Variants in MED15 observed in about 807,000 individuals in gnomAD.
The protein encoded by MED15 is mediator complex subunit 15.
MED15 carries 41 observed loss-of-function variants against 118.7 expected under a neutral mutation model. That is an observed-to-expected ratio of 0.35 (90% CI 0.27 to 0.45). MED15 has a LOEUF of 0.45. Ranked by LOEUF, MED15 falls within the 20% of genes least tolerant of loss-of-function variation. The probability of loss-of-function intolerance (pLI) is 1.00; values close to 1 mark genes in which losing one functional copy is unlikely to be tolerated. For synonymous variants in MED15, 436 were observed against 413.9 expected (o/e 1.05, Z -0.65); for missense variants, 740 against 1,025.5 (o/e 0.72, Z 3.80).
At chr22:20,546,502 G>GTTTTTTTTTTT (rs139110861) in intron 2 of MED15, among the ~76,000 whole-genome samples, 2 of 109,398 alleles carry the variant, frequency 1.8e-5, no homozygotes, top group African/African-American at 3.6e-5. Context: ...GTTACATGGA[G>GTTTTTTTTTTT]TTTTTTTTGT....
intron 1 of MED15, among the ~76,000 whole-genome samples, chr22:20,525,043 A>G (rs964931337): frequency 4.6e-5 from 7 of 152,132 alleles, no homozygotes; most frequent in African/African-American, 1.4e-4. Context: ...GCTCACACCT[A>G]TAATCCAGCA....
At chr22:20,557,475 A>G (rs1299913246) in intron 5 of MED15, among the ~76,000 whole-genome samples, 1 of 152,092 alleles carries the variant, frequency 6.6e-6, no homozygotes, top group African/African-American at 2.4e-5. Context: ...CACTATTTTT[A>G]GCACATCAGA....
chr22:20,584,799 CCTAAATGGGGA>C lies in MED15; in HGVS notation c.1804-55_1804-45del, dbSNP rs2057086198. On this transcript the variant is annotated intron_variant, in intron 14 of 17. Transcript: ENST00000263205. ...CCATGGGCCTGGGGTGTGAAGGCCC[CCTAAATGGGGA>C]ACCCTCGGGTCCCGGGCTGCTGACC... is the stretch of plus-strand genomic sequence containing the variant. 3 of 1,599,266 alleles carry C rather than the reference CCTAAATGGGGA, an allele frequency of 1.9e-6. No homozygotes were observed. In the Admixed American group the frequency reaches 5.0e-5, roughly 27 times the overall value.
intron 1 of MED15, among the ~76,000 whole-genome samples, chr22:20,530,943 GTTGTTGCCTGAC>G (rs2054836894): frequency 6.6e-6 from 1 of 152,188 alleles, no homozygotes; most frequent in South Asian, 2.1e-4. Context: ...ATTTGGGCAG[GTTGTTGCCTGAC>G]TTATTTCTTT....
At position 20,584,373 on chromosome 22, in the gene MED15, C is replaced by T; in HGVS notation, c.1751C>T (p.Thr584Ile). The T allele has an allele frequency of 6.2e-7, 1 of 1,613,816 alleles. No homozygotes were observed. The highest frequency in any genetic ancestry group is 8.5e-7 in the Non-Finnish European group (1 of 1,179,838). ...TCTCTCTGCAGGTGTCCCCTGAAGA[C>T]CTTGCAAAAGTGTGAGATCGCCCTG... ...TDPSKRCPLK[T>I]LQKCEIALEK... is the part of the protein sequence containing the mutation. The change falls in exon 14 of 18, where the codon ACC (threonine) becomes ATC (isoleucine). Residue 584 changes from threonine to isoleucine, a missense_variant. Around this residue, in one of 7 missense-constraint regions of MED15, gnomAD observed 384 missense variants for 506.3 expected, o/e 0.76. Transcript: ENST00000263205.
At chr22:20,562,065 G>A (rs1375899147) in intron 5 of MED15, among the ~76,000 whole-genome samples, 1 of 152,174 alleles carries the variant, frequency 6.6e-6, no homozygotes, top group African/African-American at 2.4e-5. Flanking sequence ...GCTGAGGTGA[G>A]AGGATCGCTT....
intron 1 of MED15, among the ~76,000 whole-genome samples, chr22:20,510,590 G>A (rs1048205106): frequency 1.3e-5 from 2 of 152,154 alleles, no homozygotes; most frequent in Non-Finnish European, 1.5e-5. Context: ...AGTTCCTTGA[G>A]CTTGTAGGAC....
At position 20,585,272 on chromosome 22, in the gene MED15, G is replaced by A; in HGVS notation, c.2131+5G>A. On this transcript the variant is annotated splice_donor_5th_base_variant and intron_variant, in intron 16 of 17. Coordinates refer to ENST00000263205, the MANE Select transcript of MED15 (RefSeq NM_001003891.3). The stretch of plus-strand genomic sequence containing the variant: ...TCCACCTGATCTGCAAGCTGGGTGA[G>A]TGTCCAGAGGGCCGGGACTGGTGTG... 1 of 1,612,202 alleles carries A rather than the reference G, an allele frequency of 6.2e-7. No homozygotes were observed. The highest frequency in any genetic ancestry group is 8.5e-7 in the Non-Finnish European group (1 of 1,179,012).
At chr22:20,538,481 C>T (rs893139492) in intron 2 of MED15, among the ~76,000 whole-genome samples, 1 of 152,048 alleles carries the variant, frequency 6.6e-6, no homozygotes, top group Non-Finnish European at 1.5e-5. Context: ...AACTCCTGAT[C>T]TCAAGCTATC....
intron 1 of MED15, among the ~76,000 whole-genome samples, chr22:20,535,872 C>CTT (rs536712415): frequency 5.3e-4 from 52 of 98,644 alleles, no homozygotes; most frequent in Non-Finnish European, 8.5e-4. Flanking sequence ...TTCTTTCTTT[C>CTT]TTTTTTTTTT....
intron 13 of MED15, 98 bp downstream of exon 13, chr22:20,583,491 A>C: frequency 6.9e-7 from 1 of 1,458,674 alleles, no homozygotes. Context: ...CAAAGGCACC[A>C]GGCAGCTCTT....
chr22:20,584,677 G>T, intron 14 of MED15, 178 bp from the exon 15 acceptor site: 1 of 914,146 alleles, frequency 1.1e-6, no homozygotes, highest in Non-Finnish European at 1.6e-6. Context: ...AGGGAGGATA[G>T]GCTGTGGGGG....
At position 20,586,736 on chromosome 22, in the gene MED15, C is replaced by T. The variant is rs766755379; in HGVS notation, c.*32C>T. 141 of 1,609,264 alleles carry T rather than the reference C, an allele frequency of 8.8e-5. 1 individual carries two copies. In the Middle Eastern group the frequency reaches 1.8e-3, roughly 21 times the overall value. On this transcript the variant is annotated 3_prime_UTR_variant, in exon 18 of 18. Transcript: ENST00000263205. ...CTGCAGGGATGGCCCGCAGCCTCAT[C>T]GGGGCCAAGGACACACGCCTCCTGT...
intron 2 of MED15, among the ~76,000 whole-genome samples, chr22:20,539,125 G>A (rs2055190586): frequency 6.6e-6 from 1 of 151,954 alleles, no homozygotes; most frequent in African/African-American, 2.4e-5. Context: ...TTTAGATGGA[G>A]TCTCGCTCTG....
chr22:20,527,519 A>G (rs1462138355), intron 1 of MED15, among the ~76,000 whole-genome samples: 2 of 151,656 alleles, frequency 1.3e-5, no homozygotes, highest in Admixed American at 1.3e-4. Context: ...ATGGCTCACT[A>G]TGGCCTCGAA....
At chr22:20,581,909 C>T (rs2056995114) in intron 9 of MED15, 1 of 152,370 alleles carries the variant, frequency 6.6e-6, no homozygotes, top group African/African-American at 2.4e-5. Context: ...TCAGAGGACT[C>T]AGGTGCACAC....
chr22:20,575,032 C>T, intron 8 of MED15, 81 bp from the exon 9 acceptor site: 1 of 1,585,790 alleles, frequency 6.3e-7, no homozygotes, highest in Non-Finnish European at 8.6e-7. Flanking sequence ...CTTGCAGAGG[C>T]TACACGTGCC....
intron 2 of MED15, among the ~76,000 whole-genome samples, chr22:20,548,328 A>AT (rs2055635591): frequency 6.6e-6 from 1 of 151,610 alleles, no homozygotes; most frequent in Admixed American, 6.6e-5. Flanking sequence ...GGCCTGGCTA[A>AT]TTTTTTTTGT....
chr22:20,518,030 T>G (rs2054313673), intron 1 of MED15, among the ~76,000 whole-genome samples: 1 of 102,532 alleles, frequency 9.8e-6, no homozygotes, highest in Non-Finnish European at 2.0e-5. Context: ...GGGAGCTTGG[T>G]TAGAGTTGTA....
Sources: allele counts gnomAD v4.1 joint callset (sites outside exome capture counted in the v4.1 genomes callset), GRCh38; gene constraint gnomAD v4.1.1; regional missense constraint gnomAD v4.1.1; transcripts MANE v1.5; gene names NCBI Gene and HGNC (gene_info 2026-07-23, HGNC 2026-07-21).